Variants in EVI5 observed in about 807,000 individuals in gnomAD.
EVI5 encodes the protein ecotropic viral integration site 5 protein homolog.
EVI5 carries 73 observed loss-of-function variants against 112.0 expected under a neutral mutation model. That is an observed-to-expected ratio of 0.65 (90% CI 0.54 to 0.79). The LOEUF (loss-of-function observed/expected upper bound fraction) is 0.79, where lower values mean the gene tolerates loss of function less well. Ranked by LOEUF, EVI5 falls within the 30% of genes least tolerant of loss-of-function variation. The pLI, the probability that EVI5 is intolerant of heterozygous loss-of-function variation, is 0.00. For synonymous variants in EVI5, 305 were observed against 319.9 expected (o/e 0.95, Z 0.50); for missense variants, 900 against 968.8 (o/e 0.93, Z 0.94).
intron 16 of EVI5, among the ~76,000 whole-genome samples, chr1:92,607,940 T>A (rs1456060532): frequency 6.6e-6 from 1 of 151,474 alleles, no homozygotes; most frequent in African/African-American, 2.4e-5. Context: ...GGTCAGGAGA[T>A]CAAGACCATC....
At position 92,513,919 on chromosome 1, in the gene EVI5, C is replaced by T. The variant is rs1160981488; in HGVS notation, c.2218G>A (p.Gly740Arg). 2 of 1,596,752 alleles carry T rather than the reference C, an allele frequency of 1.3e-6. No individual in the cohort carries two copies. Among genetic ancestry groups the T allele is most frequent in the Non-Finnish European group, 1.7e-6 (2 of 1,168,682 alleles). Reference protein sequence around the residue: ...RGFSGQPPFDGIHIVNHLIGD... With the variant: ...RGFSGQPPFDRIHIVNHLIGD... ...ATTAAATGGTTGACAATGTGGATTCCATCAAAAGGAGGTTGGCCTGAGAAG... is the reference window on the plus strand; with the variant it reads ...ATTAAATGGTTGACAATGTGGATTCTATCAAAAGGAGGTTGGCCTGAGAAG... The change falls in exon 20 of 20, where the codon GGA becomes AGA. Residue 740 changes from glycine to arginine, a missense_variant. Gly to Arg is a moderately radical substitution (Grantham distance 125). Coordinates refer to ENST00000684568, the MANE Select transcript of EVI5 (RefSeq NM_001350197.2).
chr1:92,626,800 T>TGAA (rs985656015), intron 14 of EVI5, among the ~76,000 whole-genome samples: 1 of 152,204 alleles, frequency 6.6e-6, no homozygotes, highest in African/African-American at 2.4e-5. Flanking sequence ...AGATAAAGCA[T>TGAA]GAACATCATT....
chr1:92,743,297 G>A (rs754364187), intron 1 of EVI5, among the ~76,000 whole-genome samples: 5 of 152,064 alleles, frequency 3.3e-5, no homozygotes, highest in Non-Finnish European at 5.9e-5. Flanking sequence ...AGGTTGCAGT[G>A]CATCAAGATC....
intron 1 of EVI5, among the ~76,000 whole-genome samples, chr1:92,780,224 G>T (rs774050369): frequency 2.6e-5 from 4 of 152,226 alleles, no homozygotes; most frequent in Admixed American, 1.3e-4. Flanking sequence ...CACCATGGTT[G>T]TAAGTTTCCT....
chr1:92,711,130 G>T (rs1570512483), intron 2 of EVI5, among the ~76,000 whole-genome samples: 1 of 152,116 alleles, frequency 6.6e-6, no homozygotes, highest in African/African-American at 2.4e-5. Flanking sequence ...ATAATACTAT[G>T]ATTTGAAAAT....
chr1:92,663,701 G>C (rs939625421), intron 11 of EVI5, among the ~76,000 whole-genome samples: 2 of 152,034 alleles, frequency 1.3e-5, no homozygotes, highest in African/African-American at 4.8e-5. Context: ...TTCCAAGTGG[G>C]TTTTCATTAC....
chr1:92,629,639 C>A (rs1397918788), intron 14 of EVI5, among the ~76,000 whole-genome samples: 1 of 152,100 alleles, frequency 6.6e-6, no homozygotes, highest in Non-Finnish European at 1.5e-5. Flanking sequence ...CTAACAACTA[C>A]ACTCAGATGA....
chr1:92,718,440 C>T (rs534557670), intron 2 of EVI5, among the ~76,000 whole-genome samples: 12 of 152,258 alleles, frequency 7.9e-5, no homozygotes, highest in Middle Eastern at 6.8e-3. Flanking sequence ...TCCTGAATGA[C>T]GACTGGGTAA....
In EVI5 at chr1:92,694,378, A is replaced by G; in HGVS notation, c.920T>C (p.Ile307Thr). The change falls in exon 8 of 20, where the codon ATA (isoleucine) becomes ACA (threonine). Residue 307 changes from isoleucine (I) to threonine (T), a missense_variant. Physicochemically the swap from Ile to Thr is moderately conservative, Grantham distance 89 (BLOSUM62 -1). Coordinates refer to ENST00000684568, the MANE Select transcript of EVI5 (RefSeq NM_001350197.2). ...FDIFMSEGLE[I>T]VFRVGLALLQ... ...AAGTGCTAATCCTACACGAAACACT[A>G]TTTCTAAACCCTGAGGAAACAAATT... 1 of 1,587,394 alleles carries G rather than the reference A, an allele frequency of 6.3e-7. No individual in the cohort carries two copies. The highest frequency in any genetic ancestry group is 1.1e-5 in the South Asian group (1 of 88,098).
intron 1 of EVI5, among the ~76,000 whole-genome samples, chr1:92,790,688 G>A (rs183306553): frequency 6.8e-4 from 103 of 151,518 alleles, no homozygotes; most frequent in East Asian, 7.9e-4. Context: ...GCATGGTGGC[G>A]TGCACCTGTA....
chr1:92,529,859 G>C (rs1225677345), intron 19 of EVI5, among the ~76,000 whole-genome samples: 1 of 151,464 alleles, frequency 6.6e-6, no homozygotes, highest in African/African-American at 2.4e-5. Context: ...TAAATCAATG[G>C]GCATATTTTC....
intron 2 of EVI5, among the ~76,000 whole-genome samples, chr1:92,721,240 C>G (rs1004577273): frequency 1.4e-4 from 22 of 152,182 alleles, no homozygotes; most frequent in Middle Eastern, 3.4e-3. Flanking sequence ...ATGTTTATTG[C>G]GGCACTATTC....
chr1:92,694,385 A>C lies in EVI5; in HGVS notation c.913T>G (p.Leu305Val). Residue 305 changes from leucine (L) to valine (V), a missense_variant, in exon 8 of 20, where the codon TTA becomes GTA. By Grantham distance (32) the Leu-to-Val change is conservative. Transcript: ENST00000684568. The part of the protein sequence containing the change: ...RIFDIFMSEG[L>V]EIVFRVGLAL... ...AATCCTACACGAAACACTATTTCTA[A>C]ACCCTGAGGAAACAAATTAAATAAA... 1 of 1,567,744 alleles carries C rather than the reference A, an allele frequency of 6.4e-7. No homozygotes were observed. The highest frequency in any genetic ancestry group is 1.7e-4 in the Middle Eastern group (1 of 5,878).
intron 1 of EVI5, among the ~76,000 whole-genome samples, chr1:92,776,803 CTTT>C (rs1229355512): frequency 8.4e-5 from 11 of 130,870 alleles, no homozygotes; most frequent in Admixed American, 2.3e-4. Flanking sequence ...AGCCAGCTAA[CTTT>C]TTTTTTTTTT....
At chr1:92,559,376 C>A (rs1668163853) in intron 19 of EVI5, among the ~76,000 whole-genome samples, 1 of 152,132 alleles carries the variant, frequency 6.6e-6, no homozygotes, top group South Asian at 2.1e-4. Context: ...ATACTCCAGC[C>A]ACACTAGCAT....
upstream of EVI5, chr1:92,785,205 G>A: frequency 1.6e-6 from 1 of 635,958 alleles, no homozygotes; most frequent in Non-Finnish European, 2.0e-6. Context: ...GCCGAGAAAA[G>A]GAGAAGGCGA....
intron 1 of EVI5, among the ~76,000 whole-genome samples, chr1:92,742,211 T>C (rs1211072461): frequency 6.6e-6 from 1 of 152,040 alleles, no homozygotes; most frequent in African/African-American, 2.4e-5. Context: ...CAGGGGCTTT[T>C]GAAAATACGT....
chr1:92,696,621 A>G (rs1670359426), intron 6 of EVI5, among the ~76,000 whole-genome samples: 1 of 151,880 alleles, frequency 6.6e-6, no homozygotes. Context: ...TGGACAACAG[A>G]GCTAGATAGA....
Position 92,512,611 on chromosome 1 carries a change from T to G in EVI5, c.*1045A>C, listed in dbSNP as rs202040137. 6.6e-6 allele frequency: 1 copy of G among 152,186 alleles called. No individual in the cohort carries two copies. Among genetic ancestry groups the G allele is most frequent in the African/African-American group, 2.4e-5 (1 of 41,454 alleles). The allele number at this position is 152,186 out of a possible 1,614,324, so 9.4% of individuals were successfully genotyped here. The stretch of plus-strand genomic sequence containing the variant: ...GTTAGGTGGTACAGATTTATAAATA[T>G]GTACAAACAAAACAGTATGTCTGTA... On this transcript the variant is annotated 3_prime_UTR_variant, in exon 20 of 20. Coordinates refer to ENST00000684568, the MANE Select transcript of EVI5 (RefSeq NM_001350197.2).
Sources: allele counts gnomAD v4.1 joint callset (sites outside exome capture counted in the v4.1 genomes callset), GRCh38; gene constraint gnomAD v4.1.1; transcripts MANE v1.5; gene names NCBI Gene and HGNC (gene_info 2026-07-23, HGNC 2026-07-21).